The following RSPRY1 variants were observed in gnomAD, a reference collection of about 807,000 sequenced individuals.
RSPRY1 encodes the protein RING finger and SPRY domain-containing protein 1.
A neutral mutation model predicts 73.1 loss-of-function variants in RSPRY1; 23 were observed. That is an observed-to-expected ratio of 0.31 (90% confidence interval 0.23 to 0.45). The LOEUF (loss-of-function observed/expected upper bound fraction) is 0.45, where lower values mean the gene tolerates loss of function less well. Ranked by LOEUF, RSPRY1 falls within the 20% of genes least tolerant of loss-of-function variation. The pLI is 1.00. For missense variants in RSPRY1, 448 were observed against 698.7 expected, an observed-to-expected ratio of 0.64 and a Z score of 4.05; for synonymous variants, 226 against 251.4, an observed-to-expected ratio of 0.90 and a Z score of 0.95.
At chr16:57,208,402 T>A (rs28667327) in intron 3 of RSPRY1, among the ~76,000 whole-genome samples, 15 of 132,340 alleles carry the variant, frequency 1.1e-4, no homozygotes, top group South Asian at 5.0e-4. Flanking sequence ...ATATATATAT[T>A]TTTTTTTTTT....
Position 57,226,739 on chromosome 16 carries a change from C to T in RSPRY1, c.1162-603C>T, listed in dbSNP as rs143556344. 4.5e-3 allele frequency among the ~76,000 whole-genome samples: 690 copies of T among 152,310 alleles called. 5 individuals carry two copies. Among genetic ancestry groups the T allele is most frequent in the African/African-American group, 0.016 (653 of 41,572 alleles). ...TCTTTATTGCATCCTGTTTTATCAG[C>T]AGGGTCTTTGTGACCTGTATCTTGT... On this transcript the variant is annotated intron_variant, in intron 10 of 14. Coordinates refer to ENST00000394420, the MANE Select transcript of RSPRY1 (RefSeq NM_133368.3).
Position 57,239,122 on chromosome 16 carries a change from C to T in RSPRY1, c.*147C>T. ...TTTTATGCTAAAAATGGTAGTTTGT[C>T]AAAGACAAAATTCTCTTAGAATCTA... On this transcript the variant is annotated 3_prime_UTR_variant, in exon 15 of 15. Transcript: ENST00000394420. 2.5e-6 allele frequency: 1 copy of T among 400,546 alleles called. No individual in the cohort carries two copies. 24.8% of individuals were successfully genotyped at this position (400,546 alleles called of 1,614,324 possible).
chr16:57,213,543 A>T (rs544816174), intron 5 of RSPRY1, among the ~76,000 whole-genome samples: 2 of 152,246 alleles, frequency 1.3e-5, no homozygotes, highest in African/African-American at 2.4e-5. Context: ...TAATTTGTTT[A>T]TGAATGTTAC....
At chr16:57,217,853 A>G (rs2074966351) in intron 8 of RSPRY1, among the ~76,000 whole-genome samples, 1 of 152,140 alleles carries the variant, frequency 6.6e-6, no homozygotes, top group Admixed American at 6.5e-5. Flanking sequence ...TTACCCCAAT[A>G]TTGTGGGGAG....
rs371095165 is a variant in RSPRY1, at chr16:57,209,226, G to A, written c.516+39G>A. ...TATCTTTTATGAAACTATCATTTGT[G>A]CTTAAGCACAAGATAAATGACCACA... is the stretch of plus-strand genomic sequence containing the variant. On this transcript the variant is annotated intron_variant, in intron 4 of 14. Coordinates refer to ENST00000394420, the MANE Select transcript of RSPRY1 (RefSeq NM_133368.3). 13 of 1,324,420 alleles carry A rather than the reference G, an allele frequency of 9.8e-6. No homozygotes were observed. In the African/African-American group the frequency reaches 1.9e-4, roughly 19 times the overall value. 82.0% of individuals were successfully genotyped at this position (1,324,420 alleles called of 1,614,324 possible). A position where few individuals can be genotyped will look rare whatever the true frequency, so the allele number is the denominator to read the frequency against.
Position 57,230,005 on chromosome 16 carries a change from C to CTTT in RSPRY1, c.1274-685_1274-683dup, listed in dbSNP as rs544045998. 1.3e-3 allele frequency among the ~76,000 whole-genome samples: 60 copies of CTTT among 44,916 alleles called. 1 individual carries two copies. The highest frequency in any genetic ancestry group is 2.2e-3 in the East Asian group (3 of 1,364). 29.5% of individuals were successfully genotyped at this position (44,916 alleles called of 152,430 possible). A position where few individuals can be genotyped will look rare whatever the true frequency, so the allele number is the denominator to read the frequency against. On this transcript the variant is annotated intron_variant, in intron 11 of 14. Transcript: ENST00000394420. ...TAGGCATGAACCACCACGCCCTGCC[C>CTTT]TTTTTTTTTTTTTTTTTTTTTTTGA...
intron 1 of RSPRY1, among the ~76,000 whole-genome samples, chr16:57,203,654 A>T (rs1294748715): frequency 1.3e-5 from 2 of 152,192 alleles, no homozygotes; most frequent in Non-Finnish European, 2.9e-5. Flanking sequence ...ACTTTGTGGG[A>T]TGAGAATGGC....
At chr16:57,230,298 C>T (rs747404412) in intron 11 of RSPRY1, among the ~76,000 whole-genome samples, 1 of 152,194 alleles carries the variant, frequency 6.6e-6, no homozygotes, top group Non-Finnish European at 1.5e-5. Flanking sequence ...AGGCGTGAGC[C>T]ACCTCGCCCA....
intron 1 of RSPRY1, among the ~76,000 whole-genome samples, chr16:57,189,593 C>CTTTTTTTTTTTTTTTTTTTTTTTTTTT (rs544146883): frequency 8.1e-6 from 1 of 124,068 alleles, no homozygotes; most frequent in Non-Finnish European, 1.6e-5. Context: ...CTTTTCTTTT[C>CTTTTTTTTTTTTTTTTTTTTTTTTTTT]TTTTTTTTTT....
chr16:57,238,249 T>A (rs80046598), intron 14 of RSPRY1, among the ~76,000 whole-genome samples: 2,607 of 152,316 alleles, frequency 0.017, 59 homozygotes, highest in African/African-American at 0.058. Context: ...GTGACAGTTT[T>A]CTCTAAACTC....
chr16:57,202,189 G>A (rs551761710), intron 1 of RSPRY1, among the ~76,000 whole-genome samples: 8 of 151,774 alleles, frequency 5.3e-5, no homozygotes, highest in African/African-American at 1.9e-4. Flanking sequence ...TTGTCTCAGA[G>A]GGAAACTATG....
Position 57,235,170 on chromosome 16 carries a change from T to C in RSPRY1, c.1576T>C (p.Cys526Arg). ...GAAGCAAGTCAGTATCCGAGAAAACTGCTGTTCCCTTTGTTGTGATGAGGT... is the reference window on the plus strand; with the variant it reads ...GAAGCAAGTCAGTATCCGAGAAAACCGCTGTTCCCTTTGTTGTGATGAGGT... ...LLKQVSIREN[C>R]CSLCCDEVAD... is the part of the protein sequence containing the mutation. Residue 526 changes from cysteine to arginine, a missense_variant, in exon 14 of 15, where the codon TGC (cysteine) becomes CGC (arginine). Physicochemically the swap from Cys to Arg is radical, Grantham distance 180 (BLOSUM62 -3). Coordinates refer to ENST00000394420, the MANE Select transcript of RSPRY1 (RefSeq NM_133368.3). 1 of 1,614,196 alleles carries C rather than the reference T, an allele frequency of 6.2e-7. No homozygotes were observed. Among genetic ancestry groups the C allele is most frequent in the Non-Finnish European group, 8.5e-7 (1 of 1,180,018 alleles).
rs551761710 is a variant in RSPRY1, at chr16:57,202,189, G to C, written c.-155-2315G>C. Among the ~76,000 whole-genome samples, 174 of 151,772 alleles carry C rather than the reference G, an allele frequency of 1.1e-3. 1 individual carries two copies. Among genetic ancestry groups the C allele is most frequent in the Middle Eastern group, 3.4e-3 (1 of 294 alleles). On this transcript the variant is annotated intron_variant, in intron 1 of 14. Transcript: ENST00000394420. ...AAAAAATAAAAAATCTTGTCTCAGA[G>C]GGAAACTATGAACACCAAATAAAGT...
chr16:57,193,705 A>G (rs1280896036), intron 1 of RSPRY1, among the ~76,000 whole-genome samples: 3 of 152,032 alleles, frequency 2.0e-5, no homozygotes, highest in East Asian at 1.9e-4. Flanking sequence ...AATGTTCTCT[A>G]TCTTGATAGG....
intron 1 of RSPRY1, among the ~76,000 whole-genome samples, chr16:57,198,716 A>C (rs1436577265): frequency 6.6e-6 from 1 of 152,088 alleles, no homozygotes; most frequent in African/African-American, 2.4e-5. Context: ...AGTTATTTTT[A>C]GTACGTGATT....
rs2074690115 is a variant in RSPRY1 at position 57,204,712 on chromosome 16, T to G, written c.54T>G (p.Gly18=). ...VFLASRSLGQ[G]LLLTLEEHIA... is the part of the protein sequence containing the mutation. ...TAGCGAGCAGAAGCCTTGGCCAGGG[T>G]CTGTTGTTGACTCTCGAAGAGCACA... Residue 18 remains glycine (G), a synonymous_variant, in exon 2 of 15, where the codon GGT becomes GGG. Coordinates refer to ENST00000394420, the MANE Select transcript of RSPRY1 (RefSeq NM_133368.3). 6.2e-7 allele frequency: 1 copy of G among 1,614,080 alleles called. No homozygotes were observed. The highest frequency in any genetic ancestry group is 8.5e-7 in the Non-Finnish European group (1 of 1,180,014).
chr16:57,233,425 G>A (rs2075255895), intron 13 of RSPRY1, among the ~76,000 whole-genome samples: 1 of 151,974 alleles, frequency 6.6e-6, no homozygotes. Flanking sequence ...GCCCAGGAGT[G>A]TGGTGGCACA....
intron 8 of RSPRY1, among the ~76,000 whole-genome samples, chr16:57,218,999 G>A (rs1276129031): frequency 8.1e-6 from 1 of 122,822 alleles, no homozygotes; most frequent in African/African-American, 3.3e-5. Context: ...GCCTCCCAAA[G>A]TGCTGGGATT....
intron 1 of RSPRY1, among the ~76,000 whole-genome samples, chr16:57,193,835 G>T (rs1021350341): frequency 6.6e-6 from 1 of 152,134 alleles, no homozygotes; most frequent in Non-Finnish European, 1.5e-5. Context: ...GGAGGCCGAG[G>T]TGGACAGATC....
Sources: gnomAD v4.1 joint callset for allele counts (sites outside exome capture counted in the v4.1 genomes callset) on GRCh38, gnomAD v4.1.1 for gene constraint, MANE v1.5 for transcripts, NCBI Gene and HGNC (gene_info 2026-07-23, HGNC 2026-07-21) for gene names.